The following VPS16 variants were observed in gnomAD, a reference collection of about 807,000 sequenced individuals.
VPS16 encodes the protein VPS16 core subunit of CORVET and HOPS complexes.
In VPS16, 82 loss-of-function variants were observed where a neutral mutation model predicts 116.0. The ratio of observed to expected loss-of-function variants is 0.71; its 90% CI spans 0.59 to 0.85. The LOEUF (loss-of-function observed/expected upper bound fraction) is 0.85. VPS16 is among the 40% of genes least tolerant of loss of function. The pLI, the probability that VPS16 is intolerant of heterozygous loss-of-function variation, is 0.00. For synonymous variants in VPS16, 406 were observed against 420.7 expected (o/e 0.96, Z 0.43); for missense variants, 928 against 1,090.6 (o/e 0.85, Z 2.10).
At chr20:2,862,376 G>GC (rs2146668974) in intron 11 of VPS16, 2 of 1,184,298 alleles carry the variant, frequency 1.7e-6, no homozygotes, top group East Asian at 5.1e-5. Context: ...AGTTCTCAAG[G>GC]CCCCCCTAAA....
chr20:2,848,889 C>T (rs906495379), intron 1 of VPS16, among the ~76,000 whole-genome samples: 34 of 152,138 alleles, frequency 2.2e-4, no homozygotes, highest in African/African-American at 8.0e-4. Context: ...ATGGAAGAGA[C>T]CTAATATAAT....
At position 2,864,830 on chromosome 20, in the gene VPS16, C is replaced by T. The variant is rs2089301632; in HGVS notation, c.1927-148C>T. On this transcript the variant is annotated intron_variant, in intron 19 of 23. Transcript: ENST00000380445. This position sits in a 1 kb window ranked among gnomAD's most constrained non-coding sequence, Gnocchi z 5.2. ...GTTAGTGTCAGAGGAGCTAGCCATC[C>T]CTCTAGGACATCAGAGTGGTGCACC... 6 of 1,191,314 alleles carry T rather than the reference C, an allele frequency of 5.0e-6. No homozygotes were observed. The South Asian group carries it at 8.0e-5, about 16-fold the overall frequency. 73.8% of individuals were successfully genotyped at this position (1,191,314 alleles called of 1,614,324 possible).
chr20:2,862,830 C>G lies in VPS16; in HGVS notation c.1227C>G (p.Phe409Leu). 1 of 1,614,098 alleles carries G rather than the reference C, an allele frequency of 6.2e-7. No homozygotes were observed. The highest frequency in any genetic ancestry group is 8.5e-7 in the Non-Finnish European group (1 of 1,180,028). The change falls in exon 13 of 24, where the codon TTC becomes TTG. Residue 409 changes from phenylalanine to leucine, a missense_variant. Transcript: ENST00000380445. The stretch of plus-strand genomic sequence containing the variant: ...AGGCCGCCTCCTTCGGAAAGTGTTT[C>G]CTGGACAGATTTCCACCCGACAGCT... ...LLRAASFGKCFLDRFPPDSFV... is the reference protein window; with the variant it reads ...LLRAASFGKCLLDRFPPDSFV...
At position 2,860,738 on chromosome 20, in the gene VPS16, C is replaced by G. The variant is rs45564738; in HGVS notation, c.515-10C>G. 1 of 1,613,804 alleles carries G rather than the reference C, an allele frequency of 6.2e-7. No homozygotes were observed. Among genetic ancestry groups the G allele is most frequent in the Admixed American group, 1.7e-5 (1 of 60,036 alleles). On this transcript the variant is annotated splice_polypyrimidine_tract_variant and intron_variant, in intron 5 of 23. Coordinates refer to ENST00000380445, the MANE Select transcript of VPS16 (RefSeq NM_022575.4). The surrounding 1 kb of genome is among the most constrained non-coding windows in gnomAD (Gnocchi z 6.1). ...GGTCATCCTAACACTGTCCTTTTCC[C>G]TGGCCATAGGTCTGCAAAGTGCACC... is the stretch of plus-strand genomic sequence containing the variant.
chr20:2,851,375 G>A (rs532336847), intron 1 of VPS16, among the ~76,000 whole-genome samples: 4 of 152,296 alleles, frequency 2.6e-5, no homozygotes, highest in African/African-American at 7.2e-5. Context: ...TTGGGAGGCC[G>A]AGGTGGGCAG....
In VPS16 at chr20:2,863,069, A is replaced by G. The variant is rs1383472180; in HGVS notation, c.1336A>G (p.Lys446Glu). ...CCTTAACCGAGGAAAATACAGATAT[A>G]AGCAGCTCACCATCCAGGTGCTGCT... ...IGIPLTYSQY[K>E]QLTIQVLLDR... The change falls in exon 14 of 24, where the codon AAG becomes GAG. Residue 446 changes from lysine to glutamate, a missense_variant. Lys to Glu is a moderately conservative substitution (Grantham distance 56, BLOSUM62 1). Coordinates refer to ENST00000380445, the MANE Select transcript of VPS16 (RefSeq NM_022575.4). The surrounding 1 kb of genome is among the most constrained non-coding windows in gnomAD (Gnocchi z 4.4). The G allele has an allele frequency of 2.5e-6, 4 of 1,614,024 alleles. No homozygotes were observed. Among genetic ancestry groups the G allele is most frequent in the East Asian group, 2.2e-5 (1 of 44,872 alleles).
rs559827130 is a variant in VPS16 at position 2,856,678 on chromosome 20, G to T, written c.54-3041G>T. The stretch of plus-strand genomic sequence containing the variant: ...AACACAGAAGTAAAATAATGAAATA[G>T]CATTTATTGTGGTTCTTCCTATATG... On this transcript the variant is annotated intron_variant, in intron 1 of 23. Coordinates refer to ENST00000380445, the MANE Select transcript of VPS16 (RefSeq NM_022575.4). 2.2e-4 allele frequency among the ~76,000 whole-genome samples: 34 copies of T among 152,242 alleles called. No individual in the cohort carries two copies. The South Asian group carries it at 5.8e-3, about 26-fold the overall frequency.
chr20:2,860,800 A>G lies in VPS16; in HGVS notation c.567A>G (p.Ala189=). 6.2e-7 allele frequency: 1 copy of G among 1,614,058 alleles called. No individual in the cohort carries two copies. Among genetic ancestry groups the G allele is most frequent in the African/African-American group, 1.3e-5 (1 of 75,054 alleles). Residue 189 remains alanine (A), a synonymous_variant, in exon 6 of 24, where the codon GCA becomes GCG. Transcript: ENST00000380445. This position sits in a 1 kb window ranked among gnomAD's most constrained non-coding sequence, Gnocchi z 6.1. ...CTGTGCTGTGCCAGGACCGAGTGGC[A>G]CACATTCTTCTGGCTGTGGGGCCTG... ...CWTVLCQDRV[A]HILLAVGPDL... is the part of the protein sequence containing the mutation.
chr20:2,840,864 AC>A, intron 1 of VPS16, 37 bp downstream of exon 1: 1 of 1,251,312 alleles, frequency 8.0e-7, no homozygotes, highest in Non-Finnish European at 1.1e-6. Context: ...GGCCTGGCTT[AC>A]CCTGCTCGCC....
In VPS16 at chr20:2,859,710, T is replaced by C. The variant is rs1364583200; in HGVS notation, c.54-9T>C. On this transcript the variant is annotated splice_polypyrimidine_tract_variant and intron_variant, in intron 1 of 23. Transcript: ENST00000380445. ...TGAGGCTAATTTCTGCTCATCTCTGTGTGGGCAGGAAATATGAGCTGTACA... is the reference window on the plus strand; with the variant it reads ...TGAGGCTAATTTCTGCTCATCTCTGCGTGGGCAGGAAATATGAGCTGTACA... The C allele has an allele frequency of 6.2e-7, 1 of 1,612,912 alleles. No homozygotes were observed. The highest frequency in any genetic ancestry group is 1.7e-5 in the Admixed American group (1 of 59,696).
Position 2,862,098 on chromosome 20 carries a change from G to T in VPS16, c.1039G>T (p.Ala347Ser), listed in dbSNP as rs1479304671. The T allele has an allele frequency of 1.2e-6, 2 of 1,613,858 alleles. No individual in the cohort carries two copies. The highest frequency in any genetic ancestry group is 1.7e-6 in the Non-Finnish European group (2 of 1,179,944). The change falls in exon 11 of 24, where the codon GCG becomes TCG. Residue 347 changes from alanine to serine, a missense_variant. Coordinates refer to ENST00000380445, the MANE Select transcript of VPS16 (RefSeq NM_022575.4). ...IFKIASMAPG[A>S]LLLEAQKEYE... ...CAAAATTGCCTCAATGGCCCCCGGG[G>T]CGCTGCTCCTGGAGGCTCAGAAGGA...
rs753857083 is a variant in VPS16 at position 2,864,129 on chromosome 20, G to A, written c.1611+46G>A. 1 of 1,613,764 alleles carries A rather than the reference G, an allele frequency of 6.2e-7. No homozygotes were observed. Among genetic ancestry groups the A allele is most frequent in the Non-Finnish European group, 8.5e-7 (1 of 1,179,660 alleles). ...ACAGACACTCTGATGTGGTTGTTCA[G>A]GGCCCCCATGCCAGCTCCTTCTCTC... On this transcript the variant is annotated intron_variant, in intron 16 of 23. Transcript: ENST00000380445. This position sits in a 1 kb window ranked among gnomAD's most constrained non-coding sequence, Gnocchi z 5.2.
chr20:2,846,205 C>T lies in VPS16; in HGVS notation c.53+5378C>T, dbSNP rs193100805. 1.2e-4 allele frequency among the ~76,000 whole-genome samples: 18 copies of T among 147,950 alleles called. No homozygotes were observed. The East Asian group carries it at 3.6e-3, about 30-fold the overall frequency. ...GATCTCAGCTCACTGCAACATCTGC[C>T]TCCCGGGTTCAAGTGATTCTCCTGC... On this transcript the variant is annotated intron_variant, in intron 1 of 23. Coordinates refer to ENST00000380445, the MANE Select transcript of VPS16 (RefSeq NM_022575.4).
At position 2,864,706 on chromosome 20, in the gene VPS16, G is replaced by A. The variant is rs945053169; in HGVS notation, c.1926+52G>A. ...CGTGTGGGGCATGTGGGCTGGGGCT[G>A]TTGGTCCGGTTCCTTCAGGAATCTA... On this transcript the variant is annotated intron_variant, in intron 19 of 23. Transcript: ENST00000380445. This position sits in a 1 kb window ranked among gnomAD's most constrained non-coding sequence, Gnocchi z 5.2. 2.5e-6 allele frequency: 4 copies of A among 1,576,456 alleles called. No homozygotes were observed. Among genetic ancestry groups the A allele is most frequent in the African/African-American group, 1.3e-5 (1 of 74,226 alleles).
chr20:2,856,980 C>T (rs1419800014), intron 1 of VPS16, among the ~76,000 whole-genome samples: 3 of 142,176 alleles, frequency 2.1e-5, no homozygotes, highest in Non-Finnish European at 1.5e-5. Context: ...TTTTCTTTTT[C>T]TTTTTTTTTT....
At position 2,860,145 on chromosome 20, in the gene VPS16, C is replaced by G; in HGVS notation, c.234C>G (p.Ser78Arg). Residue 78 changes from serine to arginine, a missense_variant, in exon 3 of 24, where the codon AGC becomes AGG. Ser to Arg is a moderately radical substitution (Grantham distance 110). Transcript: ENST00000380445. This position sits in a 1 kb window ranked among gnomAD's most constrained non-coding sequence, Gnocchi z 6.1. Reference sequence around the variant, plus strand: ...CTGCTTCCGGCATGCCTCTGGCCAGCCTGCTGGTGAGCACTTCTGATGGTC... The same window carrying G: ...CTGCTTCCGGCATGCCTCTGGCCAGGCTGCTGGTGAGCACTTCTGATGGTC... ...IYSASGMPLA[S>R]LLWKSGPVVS... is the part of the protein sequence containing the mutation. 1 of 1,614,066 alleles carries G rather than the reference C, an allele frequency of 6.2e-7. No individual in the cohort carries two copies. Among genetic ancestry groups the G allele is most frequent in the Non-Finnish European group, 8.5e-7 (1 of 1,180,020 alleles).
At chr20:2,840,900 G>A (rs2088961887) in intron 1 of VPS16, 73 bp downstream of exon 1, 8 of 1,438,740 alleles carry the variant, frequency 5.6e-6, no homozygotes, top group Non-Finnish European at 7.5e-6. Context: ...TCCCGGCGGC[G>A]TTCGCCCCTG....
chr20:2,848,940 G>T (rs1395025442), intron 1 of VPS16, among the ~76,000 whole-genome samples: 2 of 152,154 alleles, frequency 1.3e-5, no homozygotes, highest in East Asian at 3.9e-4. Context: ...TGCCATATTG[G>T]GGTCACGTAT....
Position 2,860,123 on chromosome 20 carries a change from C to T in VPS16, c.212C>T (p.Ala71Val). The T allele has an allele frequency of 6.2e-7, 1 of 1,614,102 alleles. No individual in the cohort carries two copies. The highest frequency in any genetic ancestry group is 8.5e-7 in the Non-Finnish European group (1 of 1,180,024). The stretch of plus-strand genomic sequence containing the variant: ...AGGCCAGTGCTCGATATATACTCTG[C>T]TTCCGGCATGCCTCTGGCCAGCCTG... ...SVRPVLDIYS[A>V]SGMPLASLLW... The change falls in exon 3 of 24, where the codon GCT (alanine) becomes GTT (valine). Residue 71 changes from alanine to valine, a missense_variant. Transcript: ENST00000380445. The surrounding 1 kb of genome is among the most constrained non-coding windows in gnomAD (Gnocchi z 6.1).
Sources: gnomAD v4.1 joint callset for allele counts (sites outside exome capture counted in the v4.1 genomes callset) on GRCh38, gnomAD v4.1.1 for gene constraint, Gnocchi (gnomAD v3.1) non-coding constraint, MANE v1.5 for transcripts, NCBI Gene and HGNC (gene_info 2026-07-23, HGNC 2026-07-21) for gene names.